Variants in LINGO2 observed in about 807,000 individuals in gnomAD.
LINGO2 encodes leucine rich repeat and Ig domain containing 2, also known as leucine-rich repeat and immunoglobulin-like domain-containing nogo receptor-interacting protein 2.
LINGO2 carries 14 observed loss-of-function variants against 30.6 expected under a neutral mutation model. That is an observed-to-expected ratio of 0.46 (90% CI 0.30 to 0.72). LINGO2 has a LOEUF of 0.72. Among genes scored for constraint, LINGO2 ranks in the 30% least tolerant of loss-of-function variants. LINGO2 has a pLI of 0.07. For missense variants in LINGO2, 729 were observed against 751.7 expected (o/e 0.97, Z 0.35); for synonymous variants, 317 against 288.5 (o/e 1.10, Z -1.00).
At chr9:29,078,368 T>A in the LINGO2 span, among the ~76,000 whole-genome samples, 789 of 152,124 alleles carry the variant, frequency 5.2e-3, 6 homozygotes, top group African/African-American at 0.018. Flanking sequence ...TGGAGCAGCA[T>A]GACTAACCAC....
At chr9:28,406,671 C>A (rs1822528217) in intron 2 of LINGO2, among the ~76,000 whole-genome samples, 1 of 152,158 alleles carries the variant, frequency 6.6e-6, no homozygotes, top group Admixed American at 6.5e-5. Flanking sequence ...TTTGCTTTGA[C>A]ATTTCTAGAC....
At chr9:28,773,366 G>GAA in the LINGO2 span, among the ~76,000 whole-genome samples, 58,192 of 131,888 alleles carry the variant, frequency 0.44, 14,986 homozygotes, top group African/African-American at 0.75. Flanking sequence ...CTCCATCTCA[G>GAA]AAAAAAAAAA....
the LINGO2 span, among the ~76,000 whole-genome samples, chr9:28,965,154 G>T: frequency 6.6e-6 from 1 of 151,840 alleles, no homozygotes; most frequent in Non-Finnish European, 1.5e-5. Context: ...TAGAGTTCGG[G>T]ATTTATTTAA....
the LINGO2 span, among the ~76,000 whole-genome samples, chr9:29,183,080 T>C: frequency 1.3e-5 from 2 of 152,158 alleles, no homozygotes; most frequent in Non-Finnish European, 2.9e-5. Flanking sequence ...ATGTGAAGTA[T>C]GCTCATATTA....
chr9:28,608,707 A>C (rs1825792356), intron 1 of LINGO2, among the ~76,000 whole-genome samples: 1 of 151,974 alleles, frequency 6.6e-6, no homozygotes, highest in Admixed American at 6.6e-5. Context: ...TCCTTAAGCT[A>C]AAACTAACTG....
intron 4 of LINGO2, among the ~76,000 whole-genome samples, chr9:28,160,836 A>G (rs1208187039): frequency 1.3e-5 from 2 of 152,184 alleles, no homozygotes; most frequent in African/African-American, 4.8e-5. Context: ...TCTTGGCTCC[A>G]TATCTCAATT....
At chr9:28,848,990 C>G in the LINGO2 span, among the ~76,000 whole-genome samples, 16 of 151,976 alleles carry the variant, frequency 1.1e-4, no homozygotes, top group African/African-American at 3.4e-4. Context: ...ATAAACAGAC[C>G]AAGTTACATA....
the LINGO2 span, among the ~76,000 whole-genome samples, chr9:28,884,991 A>T: frequency 4.6e-4 from 2 of 4,388 alleles, no homozygotes; most frequent in African/African-American, 1.6e-3. Flanking sequence ...ATATATAATA[A>T]TATATTATAT....
At chr9:28,613,529 A>G (rs1826006473) in intron 1 of LINGO2, among the ~76,000 whole-genome samples, 1 of 152,074 alleles carries the variant, frequency 6.6e-6, no homozygotes, top group African/African-American at 2.4e-5. Context: ...ATGTAGACAT[A>G]CTGATATGTA....
intron 4 of LINGO2, among the ~76,000 whole-genome samples, chr9:28,234,662 A>G (rs1487418268): frequency 3.3e-5 from 5 of 151,522 alleles, no homozygotes; most frequent in South Asian, 2.1e-4. Flanking sequence ...ATCAGACTCC[A>G]AGTTCTTCAG....
intron 1 of LINGO2, among the ~76,000 whole-genome samples, chr9:28,592,828 T>C (rs1824985160): frequency 6.6e-6 from 1 of 152,012 alleles, no homozygotes; most frequent in Non-Finnish European, 1.5e-5. Flanking sequence ...TGAAGGAATA[T>C]TGGATTTCAA....
At chr9:27,998,606 C>T (rs1473171760) in intron 5 of LINGO2, among the ~76,000 whole-genome samples, 1 of 152,142 alleles carries the variant, frequency 6.6e-6, no homozygotes, top group Non-Finnish European at 1.5e-5. Context: ...TTGTGAAACC[C>T]CGTTTCTACT....
rs73645658 is a variant in LINGO2 at position 28,400,488 on chromosome 9, T to G, written c.-278-27620A>C. 7.7e-3 allele frequency among the ~76,000 whole-genome samples: 1,179 copies of G among 152,308 alleles called. 15 individuals are homozygous for G. Among genetic ancestry groups the G allele is most frequent in the African/African-American group, 0.027 (1,117 of 41,556 alleles). ...GGCTGCCTCTACCCAAAAGACCTAGTTGTAAAACATTTACCAGTATATCAC... is the reference window on the plus strand; with the variant it reads ...GGCTGCCTCTACCCAAAAGACCTAGGTGTAAAACATTTACCAGTATATCAC... On this transcript the variant is annotated intron_variant, in intron 2 of 5. Coordinates refer to ENST00000379992, the Ensembl canonical transcript of LINGO2.
chr9:28,470,977 A>T (rs1235705727), intron 2 of LINGO2, among the ~76,000 whole-genome samples: 1 of 148,778 alleles, frequency 6.7e-6, no homozygotes, highest in Non-Finnish European at 1.5e-5. Flanking sequence ...TGTTATATAT[A>T]ATTTTCTTTA....
intron 4 of LINGO2, among the ~76,000 whole-genome samples, chr9:28,012,600 C>T (rs1050097272): frequency 1.1e-4 from 17 of 151,940 alleles, no homozygotes; most frequent in Non-Finnish European, 1.8e-4. Context: ...GCCACCAGCT[C>T]CTCCTTTTCT....
At position 28,419,104 on chromosome 9, in the gene LINGO2, AT is replaced by A. The variant is rs576654244; in HGVS notation, c.-278-46237del. The stretch of plus-strand genomic sequence containing the variant: ...AAACTGCAGAATTAATATGTCATAT[AT>A]TTTTTTCTCCTTTGTAGTCTTTTAT... On this transcript the variant is annotated intron_variant, in intron 2 of 5. Coordinates refer to ENST00000379992, the Ensembl canonical transcript of LINGO2. 3.2e-4 allele frequency among the ~76,000 whole-genome samples: 48 copies of A among 151,748 alleles called. 1 individual carries two copies. The highest frequency in any genetic ancestry group is 5.3e-4 in the Admixed American group (8 of 15,228).
At chr9:28,417,928 G>A (rs1587643705) in intron 2 of LINGO2, among the ~76,000 whole-genome samples, 1 of 152,128 alleles carries the variant, frequency 6.6e-6, no homozygotes, top group Non-Finnish European at 1.5e-5. Context: ...TGAATTTGTG[G>A]CCATCTTCTC....
chr9:29,010,010 A>T, the LINGO2 span, among the ~76,000 whole-genome samples: 2 of 152,186 alleles, frequency 1.3e-5, no homozygotes, highest in Non-Finnish European at 2.9e-5. Context: ...CCTTCCTTAC[A>T]CCATATACAA....
At chr9:29,177,826 A>T in the LINGO2 span, among the ~76,000 whole-genome samples, 7,193 of 152,118 alleles carry the variant, frequency 0.047, 544 homozygotes, top group African/African-American at 0.16. Flanking sequence ...ATTGTCCCCA[A>T]ATTCTCTGAC....
Sources: gnomAD v4.1 joint callset for allele counts (sites outside exome capture counted in the v4.1 genomes callset) on GRCh38, gnomAD v4.1.1 for gene constraint, MANE v1.5 for transcripts, NCBI Gene and HGNC (gene_info 2026-07-23, HGNC 2026-07-21) for gene names.